Variants in PAX3 observed in about 807,000 individuals in gnomAD.
The protein encoded by PAX3 is paired box 3.
A neutral mutation model predicts 51.6 loss-of-function variants in PAX3; 14 were observed. That is an observed-to-expected ratio of 0.27 (90% confidence interval 0.18 to 0.42). The LOEUF (loss-of-function observed/expected upper bound fraction) is 0.42. Among genes scored for constraint, PAX3 ranks in the 10% least tolerant of loss-of-function variants. The pLI is 1.00. For synonymous variants in PAX3, 280 were observed against 253.4 expected (o/e 1.11, Z -1.00); for missense variants, 540 against 642.8 (o/e 0.84, Z 1.73).
intron 4 of PAX3, among the ~76,000 whole-genome samples, chr2:222,279,925 C>T (rs554398964): frequency 6.6e-6 from 1 of 152,116 alleles, no homozygotes; most frequent in African/African-American, 2.4e-5. Context: ...GAAATAGAGT[C>T]CAAGGCCAGA....
intron 4 of PAX3, among the ~76,000 whole-genome samples, chr2:222,274,350 T>C (rs910735990): frequency 1.3e-5 from 2 of 151,964 alleles, no homozygotes; most frequent in South Asian, 2.1e-4. Context: ...TTTATATTAA[T>C]ATTAAAATCC....
chr2:222,260,469 A>G (rs1037023161), intron 4 of PAX3, among the ~76,000 whole-genome samples: 1 of 149,614 alleles, frequency 6.7e-6, no homozygotes, highest in Admixed American at 6.6e-5. Context: ...AAGAAATCAA[A>G]CTCCCTTTCA....
At chr2:222,260,178 T>C (rs1344729802) in intron 4 of PAX3, among the ~76,000 whole-genome samples, 1 of 152,188 alleles carries the variant, frequency 6.6e-6, no homozygotes, top group Non-Finnish European at 1.5e-5. Flanking sequence ...CCTGGTCTGT[T>C]TATCTTTAAG....
chr2:222,250,383 T>G (rs1693382000), intron 4 of PAX3, among the ~76,000 whole-genome samples: 1 of 152,120 alleles, frequency 6.6e-6, no homozygotes, highest in Admixed American at 6.5e-5. Context: ...ATAATCTTTT[T>G]GTCCCTAAAA....
intron 4 of PAX3, among the ~76,000 whole-genome samples, chr2:222,244,422 G>A (rs937973741): frequency 6.6e-6 from 1 of 152,056 alleles, no homozygotes; most frequent in Non-Finnish European, 1.5e-5. Context: ...TAAAACATCT[G>A]CTCCAAAGAC....
intron 4 of PAX3, among the ~76,000 whole-genome samples, chr2:222,284,181 G>A (rs1041026861): frequency 6.6e-6 from 1 of 152,202 alleles, no homozygotes; most frequent in Non-Finnish European, 1.5e-5. Flanking sequence ...CACGTGCAGA[G>A]CTATAAAGAC....
chr2:222,237,038 A>T (rs1248929943), intron 4 of PAX3, among the ~76,000 whole-genome samples: 1 of 152,196 alleles, frequency 6.6e-6, no homozygotes, highest in Non-Finnish European at 1.5e-5. Flanking sequence ...ACAATCCATT[A>T]TCTGGCTTAC....
At chr2:222,237,862 C>T (rs1196309326) in intron 4 of PAX3, among the ~76,000 whole-genome samples, 1 of 152,100 alleles carries the variant, frequency 6.6e-6, no homozygotes, top group Non-Finnish European at 1.5e-5. Flanking sequence ...CTAAAATGGT[C>T]TTCTGAAGCA....
intron 2 of PAX3, among the ~76,000 whole-genome samples, chr2:222,296,574 C>T (rs1695307754): frequency 6.6e-6 from 1 of 152,030 alleles, no homozygotes; most frequent in East Asian, 1.9e-4. Flanking sequence ...ATTATAAAAC[C>T]TAAAGAAGTT....
At chr2:222,276,749 C>A (rs570513207) in intron 4 of PAX3, among the ~76,000 whole-genome samples, 1 of 152,240 alleles carries the variant, frequency 6.6e-6, no homozygotes, top group African/African-American at 2.4e-5. Flanking sequence ...AGCCTCCCTG[C>A]ATCCTCCAAT....
intron 4 of PAX3, among the ~76,000 whole-genome samples, chr2:222,259,512 G>C (rs1413455289): frequency 6.6e-6 from 1 of 152,092 alleles, no homozygotes; most frequent in Non-Finnish European, 1.5e-5. Flanking sequence ...AAAATCAAAG[G>C]GGTTTATAAC....
chr2:222,294,293 T>C lies in PAX3; in HGVS notation c.460A>G (p.Ile154Val). 6.2e-7 allele frequency: 1 copy of C among 1,614,138 alleles called. No individual in the cohort carries two copies. Among genetic ancestry groups the C allele is most frequent in the African/African-American group, 1.3e-5 (1 of 75,034 alleles). Residue 154 changes from isoleucine to valine, a missense_variant, in exon 4 of 9, where the codon ATC becomes GTC. This residue lies in a region of PAX3 where 427 missense variants were observed against 483.6 expected (regional missense o/e 0.88). Coordinates refer to ENST00000392070, the MANE Select transcript of PAX3 (RefSeq NM_181458.4). ...DRNTVPSVSS[I>V]SRILRSKFGK... ...AATTTACTTCTCAGGATGCGGCTGA[T>C]GGAACTCACTGGGGGCGGGAGGAGG...
At chr2:222,285,811 A>G (rs1013330150) in intron 4 of PAX3, among the ~76,000 whole-genome samples, 2 of 152,252 alleles carry the variant, frequency 1.3e-5, no homozygotes, top group African/African-American at 2.4e-5. Context: ...ATAAAACTAT[A>G]CTACTTAAAT....
At position 222,256,393 on chromosome 2, in the gene PAX3, C is replaced by T. The variant is rs529929703; in HGVS notation, c.587-24110G>A. 2.0e-5 allele frequency among the ~76,000 whole-genome samples: 3 copies of T among 152,134 alleles called. No homozygotes were observed. The East Asian group carries it at 5.8e-4, about 30-fold the overall frequency. On this transcript the variant is annotated intron_variant, in intron 4 of 8. Coordinates refer to ENST00000392070, the MANE Select transcript of PAX3 (RefSeq NM_181458.4). ...TCCTCTCATCCCAATAATGCCATCCCTCCCTCTCAGAGACCCCTGCCGTCC... is the reference window on the plus strand; with the variant it reads ...TCCTCTCATCCCAATAATGCCATCCTTCCCTCTCAGAGACCCCTGCCGTCC...
At chr2:222,250,672 T>C (rs1475730750) in intron 4 of PAX3, among the ~76,000 whole-genome samples, 2 of 152,196 alleles carry the variant, frequency 1.3e-5, no homozygotes, top group Non-Finnish European at 2.9e-5. Flanking sequence ...CTTTAGAATT[T>C]CACTTACCTA....
rs756448223 is a variant in PAX3 at position 222,201,257 on chromosome 2, A to G, written c.*151T>C. ...TGAAACCAACTATTGGAGGAAGAAAATCAATCACTCTCCTTTGTCTCCTAT... is the reference window on the plus strand; with the variant it reads ...TGAAACCAACTATTGGAGGAAGAAAGTCAATCACTCTCCTTTGTCTCCTAT... On this transcript the variant is annotated 3_prime_UTR_variant, in exon 9 of 9. Transcript: ENST00000392070. 1.2e-6 allele frequency: 2 copies of G among 1,613,936 alleles called. No homozygotes were observed. The highest frequency in any genetic ancestry group is 1.1e-5 in the South Asian group (1 of 91,056).
intron 8 of PAX3, 81 bp downstream of exon 8, chr2:222,201,863 C>T: frequency 6.2e-7 from 1 of 1,613,388 alleles, no homozygotes; most frequent in Non-Finnish European, 8.5e-7. Context: ...TTAATCTTGC[C>T]TCTAATTCAC....
chr2:222,222,592 C>T (rs900711089), intron 5 of PAX3, among the ~76,000 whole-genome samples: 3 of 152,120 alleles, frequency 2.0e-5, no homozygotes, highest in East Asian at 1.9e-4. Flanking sequence ...TTAGTAGAGA[C>T]GGGGTTTCAC....
At chr2:222,274,861 G>T (rs45521539) in intron 4 of PAX3, among the ~76,000 whole-genome samples, 2 of 152,080 alleles carry the variant, frequency 1.3e-5, no homozygotes, top group African/African-American at 4.8e-5. Flanking sequence ...ACAAATTCAC[G>T]CCATATCTCT....
Sources: gnomAD v4.1 joint callset for allele counts (sites outside exome capture counted in the v4.1 genomes callset) on GRCh38, gnomAD v4.1.1 for gene constraint, gnomAD v4.1.1 regional missense constraint, MANE v1.5 for transcripts, NCBI Gene and HGNC (gene_info 2026-07-23, HGNC 2026-07-21) for gene names.